Variants in TMEM70 observed in about 807,000 individuals in gnomAD.
TMEM70 encodes transmembrane protein 70, mitochondrial.
Under a neutral mutation model 20.5 loss-of-function variants are expected in TMEM70, and 15 were observed. That is an observed-to-expected ratio of 0.73 (90% confidence interval 0.49 to 1.13). The LOEUF is 1.13. Among genes scored for constraint, TMEM70 ranks in the 50% most tolerant of loss-of-function variants. The pLI is 0.00. For synonymous variants in TMEM70, 141 were observed against 134.2 expected, an observed-to-expected ratio of 1.05 and a Z score of -0.35; for missense variants, 344 against 331.7, an observed-to-expected ratio of 1.04 and a Z score of -0.29.
chr8:73,981,063 C>T (rs1815780042), intron 2 of TMEM70, 92 bp from the exon 3 acceptor site: 1 of 1,053,878 alleles, frequency 9.5e-7, no homozygotes, highest in Admixed American at 2.0e-5. Flanking sequence ...TGAGCTGATA[C>T]AGTAAGAAGA....
At position 73,981,417 on chromosome 8, in the gene TMEM70, AGT is replaced by A; in HGVS notation, c.582_583del (p.Phe195SerfsTer4). The A allele has an allele frequency of 1.2e-6, 2 of 1,614,194 alleles. No individual in the cohort carries two copies. The highest frequency in any genetic ancestry group is 1.7e-6 in the Non-Finnish European group (2 of 1,180,036). On this transcript the variant is annotated frameshift_variant, in exon 3 of 3. Transcript: ENST00000312184. LOFTEE classifies it high-confidence loss of function. Reference protein sequence around the residue: ...YNAMLAETSTVFHQNDVKIPD... With the variant: ...YNAMLAETSTXFHQNDVKIPD... ...ATGCTATGCTTGCAGAAACGAGTACAGTGTTTCACCAGAATGATGTGAAGATT... is the reference window on the plus strand; with the variant it reads ...ATGCTATGCTTGCAGAAACGAGTACAGTTTCACCAGAATGATGTGAAGATT...
At chr8:73,980,074 GT>G (rs943929028) in intron 2 of TMEM70, among the ~76,000 whole-genome samples, 7 of 151,666 alleles carry the variant, frequency 4.6e-5, no homozygotes, top group Non-Finnish European at 1.0e-4. Flanking sequence ...GTATCTCAGT[GT>G]TTTTTTTGTA....
In TMEM70 at chr8:73,976,343, C is replaced by G. The variant is rs764680066; in HGVS notation, c.62C>G (p.Thr21Ser). 1.9e-6 allele frequency: 3 copies of G among 1,600,462 alleles called. No individual in the cohort carries two copies. The highest frequency in any genetic ancestry group is 2.5e-6 in the Non-Finnish European group (3 of 1,179,570). ...GAACTGCCTCTCTGCGGAAGGAGGA[C>G]TGCATTGTGTGCGGCCGCCGCGCTC... is the stretch of plus-strand genomic sequence containing the variant. The part of the protein sequence containing the change: ...AVELPLCGRR[T>S]ALCAAAALRG... The change falls in exon 1 of 3, where the codon ACT becomes AGT. Residue 21 changes from threonine to serine, a missense_variant. Thr to Ser is a moderately conservative substitution (Grantham distance 58). Coordinates refer to ENST00000312184, the MANE Select transcript of TMEM70 (RefSeq NM_017866.6).
Position 73,978,820 on chromosome 8 carries a change from G to T in TMEM70, c.275G>T (p.Gly92Val), listed in dbSNP as rs957760262. 5.0e-6 allele frequency: 8 copies of T among 1,613,980 alleles called. No individual in the cohort carries two copies. The highest frequency in any genetic ancestry group is 6.8e-6 in the Non-Finnish European group (8 of 1,179,968). The change falls in exon 2 of 3, where the codon GGA becomes GTA. Residue 92 changes from glycine to valine, a missense_variant. By Grantham distance (109) the Gly-to-Val change is moderately radical. Transcript: ENST00000312184. ...LNTPSDKSED[G>V]RLIYTGNMAR... ...ACGCCATCTGACAAATCAGAAGATGGAAGGCTAATTTATACTGGCAATATG... is the reference window on the plus strand; with the variant it reads ...ACGCCATCTGACAAATCAGAAGATGTAAGGCTAATTTATACTGGCAATATG...
At chr8:73,977,435 G>T (rs1479222284) in intron 1 of TMEM70, among the ~76,000 whole-genome samples, 1 of 151,998 alleles carries the variant, frequency 6.6e-6, no homozygotes, top group African/African-American at 2.4e-5. Context: ...TCATCCTCCT[G>T]CCTCGGCCTG....
At position 73,982,243 on chromosome 8, in the gene TMEM70, T is replaced by A; in HGVS notation, c.*622T>A. On this transcript the variant is annotated 3_prime_UTR_variant, in exon 3 of 3. Transcript: ENST00000312184. ...CTGGATAAGGTGTGTGCTGACTTGA[T>A]CTGAGGAGCAAAGGAAAAGAATCAG... The A allele has an allele frequency of 3.4e-6, 2 of 583,998 alleles. No individual in the cohort carries two copies. The highest frequency in any genetic ancestry group is 6.6e-6 in the Non-Finnish European group (2 of 302,000). The allele number at this position is 583,998 out of a possible 1,614,324, so 36.2% of individuals were successfully genotyped here. A position where few individuals can be genotyped will look rare whatever the true frequency, so the allele number is the denominator to read the frequency against.
Position 73,978,769 on chromosome 8 carries a change from G to A in TMEM70, c.224G>A (p.Trp75Ter). The change falls in exon 2 of 3, where the codon TGG becomes TAG. Residue 75 changes from tryptophan to a stop codon, truncating the protein, a stop_gained. Coordinates refer to ENST00000312184, the MANE Select transcript of TMEM70 (RefSeq NM_017866.6). LOFTEE classifies it high-confidence loss of function. ...CTGTTTCAATAGATCCCTGTTTATT[G>A]GGAAGGATATGTTCGATTCTTAAAT... is the stretch of plus-strand genomic sequence containing the variant. ...RPGRAQIPVY[W>*]EGYVRFLNTP... 1 of 1,613,856 alleles carries A rather than the reference G, an allele frequency of 6.2e-7. No homozygotes were observed. Among genetic ancestry groups the A allele is most frequent in the Non-Finnish European group, 8.5e-7 (1 of 1,179,842 alleles).
At chr8:73,980,660 G>A (rs1028229020) in intron 2 of TMEM70, among the ~76,000 whole-genome samples, 9 of 152,178 alleles carry the variant, frequency 5.9e-5, no homozygotes, top group Admixed American at 2.0e-4. Flanking sequence ...GAGCCAATGC[G>A]CCTGGCCGTC....
intron 2 of TMEM70, among the ~76,000 whole-genome samples, chr8:73,980,409 C>T (rs1052345974): frequency 1.3e-5 from 2 of 151,428 alleles, no homozygotes; most frequent in Non-Finnish European, 2.9e-5. Flanking sequence ...CGCTTTGTCT[C>T]CCAAGCTGGA....
chr8:73,976,229 G>A lies in TMEM70; in HGVS notation c.-53G>A, dbSNP rs150775418. On this transcript the variant is annotated 5_prime_UTR_variant, in exon 1 of 3. Transcript: ENST00000312184. ...GCAGTCGGGTGGGAAGCCGTGTCTC[G>A]CAGTCGTGGACTCGTGCAGCTGGGG... 2.0e-3 allele frequency: 3,008 copies of A among 1,518,218 alleles called. 54 individuals are homozygous for A. In the African/African-American group the frequency reaches 0.037, roughly 18 times the overall value. The allele number at this position is 1,518,218 out of a possible 1,614,324, so 94.0% of individuals were successfully genotyped here. A position where few individuals can be genotyped will look rare whatever the true frequency, so the allele number is the denominator to read the frequency against.
chr8:73,982,590 C>G lies in TMEM70; in HGVS notation c.*969C>G, dbSNP rs1815840738. 4.1e-6 allele frequency: 2 copies of G among 486,946 alleles called. No homozygotes were observed. Among genetic ancestry groups the G allele is most frequent in the Non-Finnish European group, 8.1e-6 (2 of 247,598 alleles). 30.2% of individuals were successfully genotyped at this position (486,946 alleles called of 1,614,324 possible). ...TTTAAGTCTTCTTTGGTTCAGAACA[C>G]AGGTTTTTGCCTAACCCCTGGCATG... On this transcript the variant is annotated 3_prime_UTR_variant, in exon 3 of 3. Coordinates refer to ENST00000312184, the MANE Select transcript of TMEM70 (RefSeq NM_017866.6).
chr8:73,978,923 C>T, intron 2 of TMEM70, 62 bp downstream of exon 2: 1 of 1,570,108 alleles, frequency 6.4e-7, no homozygotes, highest in Non-Finnish European at 8.7e-7. Context: ...TAAAAATATC[C>T]TTACCATATC....
chr8:73,980,275 G>A (rs1368025939), intron 2 of TMEM70, among the ~76,000 whole-genome samples: 1 of 152,116 alleles, frequency 6.6e-6, no homozygotes, highest in Non-Finnish European at 1.5e-5. Context: ...TTTTAGTAGA[G>A]ACAGGATTTC....
intron 1 of TMEM70, 39 bp from the exon 2 acceptor site, chr8:73,978,717 A>G (rs775324310): frequency 6.2e-7 from 1 of 1,608,512 alleles, no homozygotes; most frequent in Non-Finnish European, 8.5e-7. Flanking sequence ...AAAAAAATTT[A>G]AGAAGGTTAG....
At chr8:73,978,211 G>A (rs545554987) in intron 1 of TMEM70, among the ~76,000 whole-genome samples, 3 of 151,594 alleles carry the variant, frequency 2.0e-5, no homozygotes, top group South Asian at 2.1e-4. Flanking sequence ...CTCAGCCTCC[G>A]GAGTAGCTGG....
rs61732273 is a variant in TMEM70 at position 73,981,184 on chromosome 8, C to G, written c.346C>G (p.Leu116Val). ...GAAATGTTTCTCTTATTCTACGAGT[C>G]TGATTGGCCTTACATTTCTGCCATA... is the stretch of plus-strand genomic sequence containing the variant. The part of the protein sequence containing the change: ...GVKCFSYSTS[L>V]IGLTFLPYIF... The change falls in exon 3 of 3, where the codon CTG (leucine) becomes GTG (valine). Residue 116 changes from leucine to valine, a missense_variant. Leu to Val is a conservative substitution (Grantham distance 32). Transcript: ENST00000312184. 0.02 allele frequency: 32,744 copies of G among 1,613,674 alleles called. 463 individuals are homozygous for G. The highest frequency in any genetic ancestry group is 0.037 in the South Asian group (3,324 of 91,058).
chr8:73,976,340 G>A lies in TMEM70; in HGVS notation c.59G>A (p.Arg20Lys). The change falls in exon 1 of 3, where the codon AGG becomes AAG. Residue 20 changes from arginine to lysine, a missense_variant. Transcript: ENST00000312184. ...GTCGAACTGCCTCTCTGCGGAAGGA[G>A]GACTGCATTGTGTGCGGCCGCCGCG... ...WAVELPLCGR[R>K]TALCAAAALR... 6.2e-7 allele frequency: 1 copy of A among 1,600,528 alleles called. No homozygotes were observed. Among genetic ancestry groups the A allele is most frequent in the South Asian group, 1.1e-5 (1 of 90,966 alleles).
At position 73,982,529 on chromosome 8, in the gene TMEM70, C is replaced by T; in HGVS notation, c.*908C>T. On this transcript the variant is annotated 3_prime_UTR_variant, in exon 3 of 3. Transcript: ENST00000312184. Reference sequence around the variant, plus strand: ...TTGTTAAAAAATTTTCAAAAAACCGCAAAATTTCAAGAAATTCACAAATTA... The same window carrying T: ...TTGTTAAAAAATTTTCAAAAAACCGTAAAATTTCAAGAAATTCACAAATTA... 1 of 556,736 alleles carries T rather than the reference C, an allele frequency of 1.8e-6. No individual in the cohort carries two copies. The highest frequency in any genetic ancestry group is 3.4e-6 in the Non-Finnish European group (1 of 290,170). The allele number at this position is 556,736 out of a possible 1,614,324, so 34.5% of individuals were successfully genotyped here. A position where few individuals can be genotyped will look rare whatever the true frequency, so the allele number is the denominator to read the frequency against.
At chr8:73,980,213 C>T (rs561847177) in intron 2 of TMEM70, among the ~76,000 whole-genome samples, 13 of 152,080 alleles carry the variant, frequency 8.5e-5, no homozygotes, top group Non-Finnish European at 1.8e-4. Context: ...CTCAGCACCC[C>T]CAGTAGCTGG....
Sources: allele counts gnomAD v4.1 joint callset (sites outside exome capture counted in the v4.1 genomes callset), GRCh38; gene constraint gnomAD v4.1.1; transcripts MANE v1.5; gene names NCBI Gene and HGNC (gene_info 2026-07-23, HGNC 2026-07-21).